The following KPNA4 variants were observed in gnomAD, a reference collection of about 807,000 sequenced individuals.
KPNA4 encodes importin subunit alpha-3.
In KPNA4, 13 loss-of-function variants were observed where a neutral mutation model predicts 71.3. The observed-to-expected ratio is 0.18, with a 90% CI of 0.12 to 0.29. The LOEUF is 0.29. Among genes scored for constraint, KPNA4 ranks in the 10% least tolerant of loss-of-function variants. The pLI is 1.00. For synonymous variants in KPNA4, 189 were observed against 195.2 expected (o/e 0.97, Z 0.26); for missense variants, 334 against 603.2 (o/e 0.55, Z 4.67).
intron 1 of KPNA4, among the ~76,000 whole-genome samples, chr3:160,553,722 T>C (rs965154539): frequency 6.6e-6 from 1 of 152,204 alleles, no homozygotes; most frequent in African/African-American, 2.4e-5. Flanking sequence ...TAAACTTACC[T>C]AATGGCAAAT....
intron 10 of KPNA4, among the ~76,000 whole-genome samples, chr3:160,523,907 C>T (rs1721410618): frequency 6.6e-6 from 1 of 151,868 alleles, no homozygotes; most frequent in African/African-American, 2.4e-5. Context: ...TGTGAAAAAA[C>T]CTAAATTTCA....
chr3:160,562,688 T>C (rs981937644), intron 1 of KPNA4, among the ~76,000 whole-genome samples: 1 of 152,236 alleles, frequency 6.6e-6, no homozygotes, highest in Non-Finnish European at 1.5e-5. Context: ...TAGAATCATA[T>C]GTTATTTCCT....
At chr3:160,502,983 C>T (rs962068565) in intron 16 of KPNA4, among the ~76,000 whole-genome samples, 2 of 152,026 alleles carry the variant, frequency 1.3e-5, no homozygotes, top group African/African-American at 2.4e-5. Context: ...TGGTGGCATG[C>T]GCCTATAATC....
intron 1 of KPNA4, among the ~76,000 whole-genome samples, chr3:160,553,550 A>C (rs933898028): frequency 6.6e-6 from 1 of 152,224 alleles, no homozygotes; most frequent in Non-Finnish European, 1.5e-5. Flanking sequence ...CATGTCTTGG[A>C]TAATATGAGA....
chr3:160,510,519 T>C (rs939341065), intron 13 of KPNA4, among the ~76,000 whole-genome samples: 6 of 152,164 alleles, frequency 3.9e-5, no homozygotes, highest in African/African-American at 1.4e-4. Context: ...TAAGCAACTA[T>C]TAAATATTAA....
chr3:160,512,124 CACCTTTAT>C (rs1560044969), intron 13 of KPNA4, among the ~76,000 whole-genome samples: 1 of 152,066 alleles, frequency 6.6e-6, no homozygotes, highest in Non-Finnish European at 1.5e-5. Context: ...TAACAATGAT[CACCTTTAT>C]AGCTGAAATA....
chr3:160,502,900 C>G (rs1720912089), intron 16 of KPNA4, among the ~76,000 whole-genome samples: 2 of 152,076 alleles, frequency 1.3e-5, no homozygotes, highest in Admixed American at 6.6e-5. Flanking sequence ...CACCTGAGGT[C>G]AGGAGTTCAA....
Position 160,508,507 on chromosome 3 carries a change from T to C in KPNA4, c.1210-238A>G, listed in dbSNP as rs189688077. Among the ~76,000 whole-genome samples the C allele has an allele frequency of 1.3e-3, 198 of 152,296 alleles. 1 individual carries two copies. Among genetic ancestry groups the C allele is most frequent in the African/African-American group, 4.6e-3 (190 of 41,562 alleles). On this transcript the variant is annotated intron_variant, in intron 14 of 16. Transcript: ENST00000334256. ...AAAATAAAGGAATCACTCAACTTCA[T>C]ATTAAACATTTCTTTGCCATAAGAA...
At chr3:160,556,124 G>A (rs1336995841) in intron 1 of KPNA4, among the ~76,000 whole-genome samples, 2 of 152,234 alleles carry the variant, frequency 1.3e-5, no homozygotes, top group African/African-American at 2.4e-5. Flanking sequence ...GTGAGCCACT[G>A]CGCCCAGCCA....
intron 1 of KPNA4, among the ~76,000 whole-genome samples, chr3:160,541,332 A>G (rs151093399): frequency 1.3e-5 from 2 of 152,262 alleles, no homozygotes; most frequent in East Asian, 3.9e-4. Flanking sequence ...GAAAAATGTT[A>G]AAGAAAATTC....
intron 13 of KPNA4, among the ~76,000 whole-genome samples, chr3:160,512,659 G>A (rs938632560): frequency 4.0e-5 from 6 of 151,882 alleles, no homozygotes; most frequent in Admixed American, 2.0e-4. Flanking sequence ...TGGTGAAACC[G>A]CATCTCTACT....
chr3:160,535,607 T>C, intron 4 of KPNA4, 42 bp from the exon 5 acceptor site: 1 of 1,588,246 alleles, frequency 6.3e-7, no homozygotes, highest in South Asian at 1.2e-5. Flanking sequence ...TATATCACGA[T>C]TAGCTGTTGA....
chr3:160,508,183 G>A lies in KPNA4; in HGVS notation c.1296C>T (p.Leu432=), dbSNP rs764791235. The A allele has an allele frequency of 4.2e-5, 68 of 1,611,628 alleles. No individual in the cohort carries two copies. The highest frequency in any genetic ancestry group is 5.5e-5 in the South Asian group (5 of 90,674). The stretch of plus-strand genomic sequence containing the variant: ...TTTTTAATATATTACTTAGTCCATC[G>A]AGTACTACTTGCACAACTTGTGCAT... ...VKDAQVVQVV[L]DGLSNILKMA... Residue 432 remains leucine, a synonymous_variant, in exon 15 of 17, where the codon CTC becomes CTT. Coordinates refer to ENST00000334256, the MANE Select transcript of KPNA4 (RefSeq NM_002268.5).
At chr3:160,550,340 C>A (rs1342359919) in intron 1 of KPNA4, among the ~76,000 whole-genome samples, 1 of 152,238 alleles carries the variant, frequency 6.6e-6, no homozygotes, top group Non-Finnish European at 1.5e-5. Flanking sequence ...TCACTTCAGT[C>A]TCAAAATCCT....
chr3:160,559,276 TA>T (rs980729312), intron 1 of KPNA4, among the ~76,000 whole-genome samples: 81 of 151,994 alleles, frequency 5.3e-4, no homozygotes, highest in Admixed American at 5.2e-4. Context: ...AGAGGCATGG[TA>T]AAAAAAGAAA....
chr3:160,547,924 T>C (rs1721956447), intron 1 of KPNA4, among the ~76,000 whole-genome samples: 1 of 152,230 alleles, frequency 6.6e-6, no homozygotes, highest in African/African-American at 2.4e-5. Flanking sequence ...TAATATGCCA[T>C]TGTCTGGATA....
intron 1 of KPNA4, among the ~76,000 whole-genome samples, chr3:160,557,284 T>C (rs1167856837): frequency 3.3e-5 from 5 of 152,120 alleles, no homozygotes; most frequent in Non-Finnish European, 4.4e-5. Flanking sequence ...CCACTTAACA[T>C]AGGTCTTTCG....
At chr3:160,547,478 A>G (rs954941495) in intron 1 of KPNA4, among the ~76,000 whole-genome samples, 2 of 152,096 alleles carry the variant, frequency 1.3e-5, no homozygotes, top group Non-Finnish European at 1.5e-5. Context: ...CAGTTCCCAT[A>G]TATTCCCTGC....
intron 1 of KPNA4, among the ~76,000 whole-genome samples, chr3:160,553,978 A>C (rs1414731700): frequency 6.6e-6 from 1 of 152,240 alleles, no homozygotes; most frequent in African/African-American, 2.4e-5. Flanking sequence ...ATTAGAATGT[A>C]AACTTCATAA....
Sources: gnomAD v4.1 joint callset for allele counts (sites outside exome capture counted in the v4.1 genomes callset) on GRCh38, gnomAD v4.1.1 for gene constraint, MANE v1.5 for transcripts, NCBI Gene and HGNC (gene_info 2026-07-23, HGNC 2026-07-21) for gene names.